The following PPP1CC variants were observed in gnomAD, a reference collection of about 807,000 sequenced individuals.
PPP1CC encodes the protein protein phosphatase 1 catalytic subunit gamma.
PPP1CC carries 16 observed loss-of-function variants against 38.4 expected under a neutral mutation model. The observed-to-expected ratio is 0.42, with a 90% confidence interval of 0.28 to 0.63. The LOEUF is 0.63. PPP1CC is among the 30% of genes least tolerant of loss of function. PPP1CC has a pLI of 0.25. For missense variants in PPP1CC, 170 were observed against 391.3 expected (o/e 0.43, Z 4.77); for synonymous variants, 158 against 136.0 (o/e 1.16, Z -1.13).
At chr12:110,742,147 C>T (rs1214495037) in intron 1 of PPP1CC, among the ~76,000 whole-genome samples, 4 of 152,168 alleles carry the variant, frequency 2.6e-5, no homozygotes, top group African/African-American at 7.2e-5. Context: ...CCCCCCAAGA[C>T]CCCAGAACCA....
At chr12:110,738,427 A>C (rs2069973362) in intron 1 of PPP1CC, among the ~76,000 whole-genome samples, 1 of 152,200 alleles carries the variant, frequency 6.6e-6, no homozygotes, top group African/African-American at 2.4e-5. Context: ...AGGTCAACTA[A>C]TGGCCTCAAT....
intron 1 of PPP1CC, among the ~76,000 whole-genome samples, chr12:110,737,477 C>CAAAAAAAA (rs71083137): frequency 7.8e-4 from 33 of 42,472 alleles, no homozygotes; most frequent in African/African-American, 1.5e-3. Context: ...AAGAAAGACT[C>CAAAAAAAA]AAAAAAAAAA....
intron 1 of PPP1CC, among the ~76,000 whole-genome samples, chr12:110,739,379 T>C (rs903045276): frequency 2.0e-4 from 31 of 152,240 alleles, no homozygotes; most frequent in Middle Eastern, 3.4e-3. Context: ...TTTTTTTGGT[T>C]AGCATATTAA....
chr12:110,741,798 CA>C (rs1168773837), intron 1 of PPP1CC, among the ~76,000 whole-genome samples: 1 of 151,804 alleles, frequency 6.6e-6, no homozygotes, highest in East Asian at 1.9e-4. Flanking sequence ...ATAACAAAAA[CA>C]AAAAAAATTG....
chr12:110,742,527 C>T, intron 1 of PPP1CC, 126 bp downstream of exon 1: 1 of 780,032 alleles, frequency 1.3e-6, no homozygotes, highest in Non-Finnish European at 1.8e-6. Context: ...TGGGCCAACT[C>T]GAGGAGCTCA....
At chr12:110,712,660 A>T in the PPP1CC span, among the ~76,000 whole-genome samples, 2 of 149,370 alleles carry the variant, frequency 1.3e-5, no homozygotes, top group South Asian at 4.2e-4. Flanking sequence ...AAAAAAAAAA[A>T]AAAAAAGGGG....
At chr12:110,713,384 C>A in the PPP1CC span, among the ~76,000 whole-genome samples, 4 of 152,214 alleles carry the variant, frequency 2.6e-5, no homozygotes, top group South Asian at 2.1e-4. Context: ...CTGCCCACCT[C>A]GGCCTCACAA....
intron 1 of PPP1CC, among the ~76,000 whole-genome samples, chr12:110,737,965 T>G (rs952111982): frequency 5.3e-5 from 8 of 152,004 alleles, no homozygotes; most frequent in African/African-American, 1.9e-4. Flanking sequence ...GCAGATAGGA[T>G]GTGGCTGCAA....
intron 3 of PPP1CC, among the ~76,000 whole-genome samples, chr12:110,728,831 A>G (rs1345191439): frequency 1.3e-5 from 2 of 152,220 alleles, no homozygotes; most frequent in Non-Finnish European, 2.9e-5. Context: ...AGACCAAGCA[A>G]ACATCCAGTT....
At chr12:110,712,618 C>A in the PPP1CC span, among the ~76,000 whole-genome samples, 137 of 107,506 alleles carry the variant, frequency 1.3e-3, no homozygotes, top group Non-Finnish European at 1.9e-3. Context: ...CCAGCCTGGG[C>A]GACAGAGAAA....
the PPP1CC span, among the ~76,000 whole-genome samples, chr12:110,713,838 C>T: frequency 1.3e-5 from 2 of 152,162 alleles, no homozygotes; most frequent in East Asian, 1.9e-4. Flanking sequence ...TTGTGCCAGG[C>T]GCAGTGGCTC....
At chr12:110,729,804 T>C (rs2069851554) in intron 3 of PPP1CC, among the ~76,000 whole-genome samples, 1 of 152,242 alleles carries the variant, frequency 6.6e-6, no homozygotes, top group African/African-American at 2.4e-5. Flanking sequence ...CGCATAACTC[T>C]ATAAATTTAC....
At chr12:110,723,175 G>C (rs936443931) in intron 4 of PPP1CC, among the ~76,000 whole-genome samples, 4 of 152,164 alleles carry the variant, frequency 2.6e-5, no homozygotes, top group Non-Finnish European at 4.4e-5. Context: ...GATGCATATT[G>C]TAAGAGTTAA....
intron 4 of PPP1CC, among the ~76,000 whole-genome samples, chr12:110,723,449 C>G (rs992994157): frequency 1.3e-5 from 2 of 152,172 alleles, no homozygotes; most frequent in African/African-American, 4.8e-5. Flanking sequence ...TTTGCAATTA[C>G]TATTTTAATT....
At chr12:110,727,920 C>A (rs2069820186) in intron 3 of PPP1CC, among the ~76,000 whole-genome samples, 1 of 151,966 alleles carries the variant, frequency 6.6e-6, no homozygotes, top group East Asian at 1.9e-4. Context: ...AAACTGATAC[C>A]AACCAACACT....
chr12:110,738,823 G>C (rs1376349615), intron 1 of PPP1CC, among the ~76,000 whole-genome samples: 1 of 152,102 alleles, frequency 6.6e-6, no homozygotes, highest in Non-Finnish European at 1.5e-5. Context: ...TCAATGCTGT[G>C]GTTTAAAAAA....
At position 110,722,901 on chromosome 12, in the gene PPP1CC, T is replaced by C. The variant is rs1399376424; in HGVS notation, c.524-206A>G. On this transcript the variant is annotated intron_variant, in intron 4 of 6. Coordinates refer to ENST00000335007, the MANE Select transcript of PPP1CC (RefSeq NM_002710.4). This position sits in a 1 kb window ranked among gnomAD's most constrained non-coding sequence, Gnocchi z 5.4. ...TACACACTAGAATTACATGCAGTAA[T>C]GCATGGGGTGCAGTAGGTTTAAACA... Among the ~76,000 whole-genome samples the C allele has an allele frequency of 1.3e-5, 2 of 152,242 alleles. No individual in the cohort carries two copies. Among genetic ancestry groups the C allele is most frequent in the Non-Finnish European group, 2.9e-5 (2 of 68,038 alleles).
intron 1 of PPP1CC, among the ~76,000 whole-genome samples, chr12:110,734,421 G>A (rs1371958646): frequency 6.6e-6 from 1 of 152,188 alleles, no homozygotes. Context: ...TCGGCTCACT[G>A]CAACCTCCGT....
At chr12:110,733,089 ATGT>A (rs2069898544) in intron 1 of PPP1CC, 1 of 152,216 alleles carries the variant, frequency 6.6e-6, no homozygotes, top group Admixed American at 6.5e-5. Flanking sequence ...AGCAACAAAA[ATGT>A]TTTTTTCGTA....
Sources: gnomAD v4.1 joint callset for allele counts (sites outside exome capture counted in the v4.1 genomes callset) on GRCh38, gnomAD v4.1.1 for gene constraint, Gnocchi (gnomAD v3.1) non-coding constraint, MANE v1.5 for transcripts, NCBI Gene and HGNC (gene_info 2026-07-23, HGNC 2026-07-21) for gene names.